CNST: variants seen among roughly 807,000 people sequenced by gnomAD.
CNST encodes consortin.
In CNST, 39 loss-of-function variants were observed where a neutral mutation model predicts 72.4. The ratio of observed to expected loss-of-function variants is 0.54; its 90% CI spans 0.42 to 0.70. The LOEUF is 0.70. Among genes scored for constraint, CNST ranks in the 30% least tolerant of loss-of-function variants. The pLI, the probability that CNST is intolerant of heterozygous loss-of-function variation, is 0.00. For synonymous variants in CNST, 332 were observed against 320.1 expected, an observed-to-expected ratio of 1.04 and a Z score of -0.40; for missense variants, 871 against 868.5, an observed-to-expected ratio of 1.00 and a Z score of -0.04.
At chr1:246,621,294 A>T in intron 2 of CNST, 135 bp from the exon 3 acceptor site, 2 of 695,754 alleles carry the variant, frequency 2.9e-6, no homozygotes, top group Non-Finnish European at 5.1e-6. Flanking sequence ...TTCATATGAT[A>T]AACACATTTA....
At chr1:246,566,896 T>C in intron 1 of CNST, 1 of 371,624 alleles carries the variant, frequency 2.7e-6, no homozygotes, top group East Asian at 3.8e-5. Context: ...CGCGCCAATT[T>C]CTCCCTCCCT....
chr1:246,646,745 G>A lies in CNST; in HGVS notation c.938-394G>A, dbSNP rs1666102831. On this transcript the variant is annotated intron_variant, in intron 8 of 10. Coordinates refer to ENST00000366513, the MANE Select transcript of CNST (RefSeq NM_152609.3). ...TCCGCCCACCTCGGCCTCCCAAAGT[G>A]CTGGGACTACAGGCGTGAGCCACTG... 3.3e-5 allele frequency among the ~76,000 whole-genome samples: 5 copies of A among 152,228 alleles called. No homozygotes were observed. The South Asian group carries it at 1.0e-3, about 32-fold the overall frequency.
At chr1:246,613,171 T>C (rs1472519746) in intron 2 of CNST, among the ~76,000 whole-genome samples, 2 of 152,168 alleles carry the variant, frequency 1.3e-5, no homozygotes, top group Non-Finnish European at 2.9e-5. Context: ...ATAAAGTACA[T>C]CCCAGGACTT....
chr1:246,661,127 G>A (rs1002602673), intron 10 of CNST, among the ~76,000 whole-genome samples: 4 of 152,016 alleles, frequency 2.6e-5, no homozygotes, highest in East Asian at 1.9e-4. Context: ...ATGCCACCAC[G>A]CCCGGCTAAT....
intron 2 of CNST, chr1:246,608,182 A>G (rs1446635086): frequency 6.6e-6 from 1 of 152,126 alleles, no homozygotes; most frequent in Non-Finnish European, 1.5e-5. Context: ...TAAATAATAA[A>G]TAAATAATTT....
intron 1 of CNST, among the ~76,000 whole-genome samples, chr1:246,573,400 C>T (rs148801932): frequency 5.4e-4 from 82 of 152,280 alleles, no homozygotes; most frequent in African/African-American, 1.7e-3. Context: ...ATATATTCAC[C>T]AAAGCTCATC....
At chr1:246,579,061 C>T (rs551579664) in intron 1 of CNST, among the ~76,000 whole-genome samples, 5 of 152,340 alleles carry the variant, frequency 3.3e-5, no homozygotes, top group Admixed American at 3.3e-4. Flanking sequence ...ATTACGGTCA[C>T]TTCTCACAAT....
chr1:246,598,472 A>T (rs1010289897), intron 2 of CNST, among the ~76,000 whole-genome samples: 1 of 152,152 alleles, frequency 6.6e-6, no homozygotes, highest in African/African-American at 2.4e-5. Context: ...TACATTCCTA[A>T]AAATATATTT....
intron 2 of CNST, among the ~76,000 whole-genome samples, chr1:246,603,030 A>T (rs1332028237): frequency 6.6e-6 from 1 of 152,228 alleles, no homozygotes; most frequent in Non-Finnish European, 1.5e-5. Flanking sequence ...TCCAAGTCTC[A>T]GTAATGAGTT....
intron 2 of CNST, among the ~76,000 whole-genome samples, chr1:246,599,083 G>T (rs1662084145): frequency 6.6e-6 from 1 of 150,776 alleles, no homozygotes. Context: ...AGGTCAGCTA[G>T]TAAGAATAGA....
chr1:246,568,402 A>G (rs1379167429), intron 1 of CNST, among the ~76,000 whole-genome samples: 1 of 152,202 alleles, frequency 6.6e-6, no homozygotes, highest in East Asian at 1.9e-4. Context: ...TACTTGAATA[A>G]TAAGAGATTT....
At chr1:246,648,180 A>T in intron 9 of CNST, 143 bp downstream of exon 9, 1 of 1,422,884 alleles carries the variant, frequency 7.0e-7, no homozygotes, top group South Asian at 1.6e-5. Context: ...TTTAATTATT[A>T]GTAGTTTTTA....
intron 9 of CNST, among the ~76,000 whole-genome samples, chr1:246,652,778 G>T (rs1050008266): frequency 1.3e-5 from 2 of 151,328 alleles, no homozygotes; most frequent in South Asian, 2.1e-4. Context: ...GCCAAGGCGG[G>T]CGGATCACGA....
chr1:246,664,457 C>G (rs988007244), intron 10 of CNST, among the ~76,000 whole-genome samples: 3 of 150,980 alleles, frequency 2.0e-5, no homozygotes, highest in Non-Finnish European at 4.4e-5. Flanking sequence ...GAAGGAGTCT[C>G]GCCCTGTGGC....
At chr1:246,640,068 C>A (rs1362836553) in intron 6 of CNST, among the ~76,000 whole-genome samples, 2 of 152,176 alleles carry the variant, frequency 1.3e-5, no homozygotes, top group East Asian at 1.9e-4. Flanking sequence ...ATTCATCCCC[C>A]CAAGCTTTCA....
intron 8 of CNST, among the ~76,000 whole-genome samples, chr1:246,645,504 A>G (rs939744092): frequency 4.2e-5 from 6 of 143,490 alleles, no homozygotes; most frequent in Admixed American, 1.5e-4. Flanking sequence ...CTCGGCTCAC[A>G]GCAAGCTCCG....
At chr1:246,664,257 C>T (rs1410881189) in intron 10 of CNST, among the ~76,000 whole-genome samples, 1 of 152,072 alleles carries the variant, frequency 6.6e-6, no homozygotes, top group Non-Finnish European at 1.5e-5. Context: ...TATAACAAAC[C>T]CTGCTGCAGT....
intron 1 of CNST, among the ~76,000 whole-genome samples, chr1:246,584,122 T>C (rs2103015418): frequency 6.6e-6 from 1 of 152,238 alleles, no homozygotes; most frequent in Non-Finnish European, 1.5e-5. Context: ...TTAGAGTGTC[T>C]GTAGAGATGG....
intron 10 of CNST, among the ~76,000 whole-genome samples, chr1:246,660,877 G>A (rs531060309): frequency 1.3e-5 from 2 of 152,210 alleles, no homozygotes; most frequent in East Asian, 1.9e-4. Context: ...TCAACTTGTG[G>A]CCTCCCTGTT....
Sources: allele counts gnomAD v4.1 joint callset (sites outside exome capture counted in the v4.1 genomes callset), GRCh38; gene constraint gnomAD v4.1.1; transcripts MANE v1.5; gene names NCBI Gene and HGNC (gene_info 2026-07-23, HGNC 2026-07-21).